The following RANBP2 variants were observed in gnomAD, a reference collection of about 807,000 sequenced individuals.
RANBP2 encodes E3 SUMO-protein ligase RanBP2.
In RANBP2, 57 loss-of-function variants were observed where a neutral mutation model predicts 303.6. The ratio of observed to expected loss-of-function variants is 0.19; its 90% CI spans 0.15 to 0.23. RANBP2 has a LOEUF of 0.23. RANBP2 is among the 10% of genes least tolerant of loss of function. The probability of loss-of-function intolerance (pLI) is 1.00; values close to 1 mark genes in which losing one functional copy is unlikely to be tolerated. For missense variants in RANBP2, 3,138 were observed against 3,780.8 expected, an observed-to-expected ratio of 0.83 and a Z score of 4.46; for synonymous variants, 1,167 against 1,301.5, an observed-to-expected ratio of 0.90 and a Z score of 2.23.
the RANBP2 span, among the ~76,000 whole-genome samples, chr2:109,002,171 C>G: frequency 6.6e-6 from 1 of 152,224 alleles, no homozygotes; most frequent in Non-Finnish European, 1.5e-5. Context: ...TGCCTCCAGG[C>G]GATGCTTCCA....
the RANBP2 span, among the ~76,000 whole-genome samples, chr2:109,018,512 C>T: frequency 2.6e-5 from 4 of 152,202 alleles, no homozygotes; most frequent in East Asian, 1.9e-4. Context: ...AGAGGCTCCC[C>T]GTTGCCTGTA....
At chr2:109,484,458 C>T in the RANBP2 span, among the ~76,000 whole-genome samples, 13 of 152,142 alleles carry the variant, frequency 8.5e-5, no homozygotes, top group African/African-American at 2.9e-4. Context: ...TTTACCTGTT[C>T]CACACCTCTG....
At chr2:109,254,517 G>A in the RANBP2 span, among the ~76,000 whole-genome samples, 1 of 152,204 alleles carries the variant, frequency 6.6e-6, no homozygotes, top group African/African-American at 2.4e-5. Context: ...CTCTGACACT[G>A]AGCTGATGTA....
At chr2:109,213,513 A>G in the RANBP2 span, among the ~76,000 whole-genome samples, 2 of 152,310 alleles carry the variant, frequency 1.3e-5, no homozygotes, top group African/African-American at 4.8e-5. Flanking sequence ...GGAGAAGGGC[A>G]TATCTGCCAT....
chr2:109,153,668 T>G, the RANBP2 span, among the ~76,000 whole-genome samples: 1 of 152,286 alleles, frequency 6.6e-6, no homozygotes, highest in East Asian at 1.9e-4. Flanking sequence ...ATTTTATTTC[T>G]GACACACTGG....
At chr2:108,826,172 A>G in the RANBP2 span, among the ~76,000 whole-genome samples, 29 of 152,192 alleles carry the variant, frequency 1.9e-4, no homozygotes, top group Non-Finnish European at 3.5e-4. Flanking sequence ...ACCTTATCCA[A>G]TATGTGATTT....
the RANBP2 span, among the ~76,000 whole-genome samples, chr2:109,158,398 C>T: frequency 1.2e-4 from 18 of 152,306 alleles, no homozygotes; most frequent in African/African-American, 4.3e-4. Context: ...CAGGAGTCTG[C>T]ATGGCTTGCC....
At chr2:109,280,039 C>T in the RANBP2 span, among the ~76,000 whole-genome samples, 552 of 152,314 alleles carry the variant, frequency 3.6e-3, 2 homozygotes, top group African/African-American at 0.013. Flanking sequence ...TTCTGGACTT[C>T]AGAATGCCAG....
the RANBP2 span, among the ~76,000 whole-genome samples, chr2:109,189,863 A>G: frequency 1.3e-5 from 2 of 152,196 alleles, no homozygotes; most frequent in African/African-American, 2.4e-5. Context: ...GTTTAAGCAC[A>G]TCCAGTGGTT....
chr2:108,817,342 G>T, the RANBP2 span, among the ~76,000 whole-genome samples: 3 of 151,768 alleles, frequency 2.0e-5, no homozygotes, highest in African/African-American at 7.3e-5. Context: ...TGCCAGGCTG[G>T]AGTGCAGTGG....
the RANBP2 span, among the ~76,000 whole-genome samples, chr2:109,427,836 T>C: frequency 6.6e-6 from 1 of 152,236 alleles, no homozygotes; most frequent in Non-Finnish European, 1.5e-5. Context: ...GACCATGATG[T>C]CAGCCCTCAG....
the RANBP2 span, among the ~76,000 whole-genome samples, chr2:109,709,825 C>T: frequency 2.6e-5 from 4 of 152,140 alleles, no homozygotes; most frequent in African/African-American, 2.4e-5. Context: ...CGGTGGCTCA[C>T]GCTTGTAATC....
Position 108,736,093 on chromosome 2 carries a change from C to T in RANBP2, c.637-11C>T, listed in dbSNP as rs1271346591. Reference sequence around the variant, plus strand: ...TAAGTTTTGTAACTTACTGTTCATTCCACAAAATAGGAATATCTGGAGTCT... The same window carrying T: ...TAAGTTTTGTAACTTACTGTTCATTTCACAAAATAGGAATATCTGGAGTCT... On this transcript the variant is annotated splice_polypyrimidine_tract_variant and intron_variant, in intron 5 of 28. Coordinates refer to ENST00000283195, the MANE Select transcript of RANBP2 (RefSeq NM_006267.5). 18 of 1,611,584 alleles carry T rather than the reference C, an allele frequency of 1.1e-5. No homozygotes were observed. The highest frequency in any genetic ancestry group is 1.5e-5 in the Non-Finnish European group (18 of 1,179,772).
the RANBP2 span, among the ~76,000 whole-genome samples, chr2:109,709,826 G>A: frequency 1.3e-5 from 2 of 152,176 alleles, no homozygotes; most frequent in African/African-American, 2.4e-5. Context: ...GGTGGCTCAC[G>A]CTTGTAATCC....
chr2:109,126,353 C>T, the RANBP2 span, among the ~76,000 whole-genome samples: 1 of 152,166 alleles, frequency 6.6e-6, no homozygotes, highest in Admixed American at 6.5e-5. Flanking sequence ...TAAAGATGTA[C>T]TGAGGGCAGA....
chr2:108,925,213 G>C, the RANBP2 span, among the ~76,000 whole-genome samples: 2 of 152,246 alleles, frequency 1.3e-5, no homozygotes, highest in South Asian at 2.1e-4. Context: ...CCTTGTGCTA[G>C]GTACTAAGGA....
At chr2:109,730,625 T>C in the RANBP2 span, among the ~76,000 whole-genome samples, 1 of 152,126 alleles carries the variant, frequency 6.6e-6, no homozygotes, top group Admixed American at 6.6e-5. Flanking sequence ...ATAACATATA[T>C]TTCTCACATT....
At chr2:109,296,595 A>G in the RANBP2 span, among the ~76,000 whole-genome samples, 1 of 152,110 alleles carries the variant, frequency 6.6e-6, no homozygotes, top group East Asian at 1.9e-4. Context: ...CCTCCTTAAC[A>G]TCCACCTGTG....
rs1450892859 is a variant in RANBP2, at chr2:108,764,554, G to A, written c.4015G>A (p.Ala1339Thr). The stretch of plus-strand genomic sequence containing the variant: ...TAACAAGGATATTTGCAAATCTGAT[G>A]CTGGAAACCTGAATTTTGAATTTCA... ...HDNKDICKSD[A>T]GNLNFEFQVA... The change falls in exon 20 of 29, where the codon GCT becomes ACT. Residue 1339 changes from alanine to threonine, a missense_variant. This residue lies in a region of RANBP2 where 388 missense variants were observed against 328.5 expected (regional missense o/e 1.18). Transcript: ENST00000283195. 2.5e-6 allele frequency: 4 copies of A among 1,613,922 alleles called. No individual in the cohort carries two copies. The highest frequency in any genetic ancestry group is 3.3e-5 in the Admixed American group (2 of 59,990).
Sources: gnomAD v4.1 joint callset for allele counts (sites outside exome capture counted in the v4.1 genomes callset) on GRCh38, gnomAD v4.1.1 for gene constraint, gnomAD v4.1.1 regional missense constraint, MANE v1.5 for transcripts, NCBI Gene and HGNC (gene_info 2026-07-23, HGNC 2026-07-21) for gene names.